TRMT44: variants seen among roughly 807,000 people sequenced by gnomAD.
TRMT44 encodes the protein tRNA methyltransferase 44 homolog.
In TRMT44, 78 loss-of-function variants were observed where a neutral mutation model predicts 77.3. The ratio of observed to expected loss-of-function variants is 1.01; its 90% CI spans 0.84 to 1.22. The LOEUF (loss-of-function observed/expected upper bound fraction) is 1.22, where lower values mean the gene tolerates loss of function less well. Ranked by LOEUF, TRMT44 falls within the 50% of genes most tolerant of loss-of-function variation. The pLI, the probability that TRMT44 is intolerant of heterozygous loss-of-function variation, is 0.00. For missense variants in TRMT44, 1,090 were observed against 964.4 expected (o/e 1.13, Z -1.73); for synonymous variants, 391 against 383.3 (o/e 1.02, Z -0.23).
the TRMT44 span, among the ~76,000 whole-genome samples, chr4:8,513,423 C>T: frequency 4.6e-5 from 7 of 152,172 alleles, no homozygotes; most frequent in South Asian, 2.1e-4. Context: ...GATCCTCCCA[C>T]GACATATGGG....
chr4:8,471,409 C>A (rs73223242), intron 10 of TRMT44, among the ~76,000 whole-genome samples: 3,367 of 152,284 alleles, frequency 0.022, 64 homozygotes, highest in African/African-American at 0.052. Flanking sequence ...CTCCTCTGGA[C>A]CTCGTCCCAT....
the TRMT44 span, among the ~76,000 whole-genome samples, chr4:8,501,753 G>C: frequency 2.2e-3 from 338 of 152,160 alleles, 2 homozygotes; most frequent in African/African-American, 7.7e-3. This position sits in a 1 kb window ranked among gnomAD's most constrained non-coding sequence, Gnocchi z 4.4. Context: ...TGCTCAGTTG[G>C]GGCCCTCAGT....
At chr4:8,459,642 G>A (rs1294147727) in intron 6 of TRMT44, among the ~76,000 whole-genome samples, 1 of 152,108 alleles carries the variant, frequency 6.6e-6, no homozygotes, top group Non-Finnish European at 1.5e-5. Flanking sequence ...AATGCTTTTC[G>A]AAAAGGTCCT....
rs973662277 is a variant in TRMT44, at chr4:8,444,702, T to C, written c.620-1774T>C. Among the ~76,000 whole-genome samples the C allele has an allele frequency of 1.3e-4, 20 of 152,240 alleles. No individual in the cohort carries two copies. Among genetic ancestry groups the C allele is most frequent in the African/African-American group, 4.6e-4 (19 of 41,460 alleles). ...CGTGAGCCACCTCTCCCGGCCACTA[T>C]TGTACATTTTTAAATAACGAAAAGA... On this transcript the variant is annotated intron_variant, in intron 1 of 10. Coordinates refer to ENST00000389737, the MANE Select transcript of TRMT44 (RefSeq NM_152544.3). The surrounding 1 kb of genome is among the most constrained non-coding windows in gnomAD (Gnocchi z 4.0).
At chr4:8,441,796 G>T (rs537760306) in intron 1 of TRMT44, among the ~76,000 whole-genome samples, 1 of 152,196 alleles carries the variant, frequency 6.6e-6, no homozygotes, top group Non-Finnish European at 1.5e-5. Flanking sequence ...GGAATGAGAC[G>T]AGACAGGTTA....
At chr4:8,443,508 A>T (rs972750866) in intron 1 of TRMT44, among the ~76,000 whole-genome samples, 2 of 152,244 alleles carry the variant, frequency 1.3e-5, no homozygotes, top group African/African-American at 4.8e-5. Context: ...GGCAGGTTAT[A>T]GAGCCTCTCT....
At chr4:8,503,980 T>A in the TRMT44 span, among the ~76,000 whole-genome samples, 8 of 152,190 alleles carry the variant, frequency 5.3e-5, no homozygotes, top group South Asian at 1.7e-3. Context: ...GGACAGAGCG[T>A]CTCCCCCGAG....
the TRMT44 span, among the ~76,000 whole-genome samples, chr4:8,513,133 G>A: frequency 7.2e-5 from 11 of 152,200 alleles, no homozygotes; most frequent in East Asian, 3.9e-4. Context: ...GGCTGGTCTC[G>A]AACTCCTGAC....
chr4:8,488,885 T>C (rs139575615), intron 2 of TRMT44, among the ~76,000 whole-genome samples: 13 of 152,128 alleles, frequency 8.5e-5, no homozygotes. Context: ...AAGGGAGTGG[T>C]ATTTGGAGGG....
rs746070548 is a variant in TRMT44 at position 8,461,334 on chromosome 4, A to G, written c.1204-2651A>G. Among the ~76,000 whole-genome samples the G allele has an allele frequency of 6.9e-4, 105 of 152,322 alleles. No individual in the cohort carries two copies. Among genetic ancestry groups the G allele is most frequent in the Non-Finnish European group, 1.2e-3 (79 of 68,020 alleles). On this transcript the variant is annotated intron_variant, in intron 6 of 10. Transcript: ENST00000389737. The surrounding 1 kb of genome is among the most constrained non-coding windows in gnomAD (Gnocchi z 4.6). ...GTGTGTAGACTATAGACTCTCACAC[A>G]TGTCCCAGAATCGGGCTCTAAACTT...
chr4:8,496,051 A>C (rs1323897459), downstream of TRMT44, among the ~76,000 whole-genome samples: 1 of 152,230 alleles, frequency 6.6e-6, no homozygotes. Flanking sequence ...AGACTGAAGC[A>C]GTGGGAAACC....
At chr4:8,471,720 C>T (rs565831551) in intron 10 of TRMT44, among the ~76,000 whole-genome samples, 2 of 152,362 alleles carry the variant, frequency 1.3e-5, no homozygotes, top group African/African-American at 4.8e-5. Flanking sequence ...TGCTCCCCAA[C>T]GCCCTGTGAC....
chr4:8,502,655 TGGG>T, the TRMT44 span, among the ~76,000 whole-genome samples: 1 of 102,134 alleles, frequency 9.8e-6, no homozygotes, highest in Non-Finnish European at 1.9e-5. Flanking sequence ...TTTGGCAAAG[TGGG>T]GTTGATTTTT....
At chr4:8,478,140 C>G (rs908707761), downstream of TRMT44, 3 of 152,928 alleles carry the variant, frequency 2.0e-5, no homozygotes, top group African/African-American at 7.2e-5. Context: ...GCCACAGAGC[C>G]TGGTTCTGCG....
At chr4:8,453,014 T>C (rs1725556103) in intron 5 of TRMT44, 25 bp downstream of exon 5, 2 of 1,392,898 alleles carry the variant, frequency 1.4e-6, no homozygotes, top group Non-Finnish European at 1.9e-6. Flanking sequence ...CATCACCTTT[T>C]CTGGTAACTT....
the TRMT44 span, among the ~76,000 whole-genome samples, chr4:8,513,428 T>C: frequency 1.3e-5 from 2 of 152,126 alleles, no homozygotes; most frequent in Admixed American, 6.5e-5. Context: ...TCCCACGACA[T>C]ATGGGAAATG....
chr4:8,504,881 A>T, the TRMT44 span, among the ~76,000 whole-genome samples: 1 of 152,080 alleles, frequency 6.6e-6, no homozygotes, highest in Non-Finnish European at 1.5e-5. This position sits in a 1 kb window ranked among gnomAD's most constrained non-coding sequence, Gnocchi z 5.3. Flanking sequence ...CTGGATTCTA[A>T]ATAGGCCCCC....
chr4:8,449,942 TTCTTTTC>T, intron 3 of TRMT44, 54 bp downstream of exon 3: 3 of 717,066 alleles, frequency 4.2e-6, no homozygotes, highest in Non-Finnish European at 5.7e-6. Context: ...TTCTTTTCTT[TTCTTTTC>T]TTTTTTTTTT....
the TRMT44 span, among the ~76,000 whole-genome samples, chr4:8,505,712 G>A: frequency 1.3e-5 from 2 of 152,368 alleles, no homozygotes; most frequent in East Asian, 3.9e-4. Context: ...ATATGGTTGG[G>A]CTCTGTGTCC....
Sources: gnomAD v4.1 joint callset for allele counts (sites outside exome capture counted in the v4.1 genomes callset) on GRCh38, gnomAD v4.1.1 for gene constraint, Gnocchi (gnomAD v3.1) non-coding constraint, MANE v1.5 for transcripts, NCBI Gene and HGNC (gene_info 2026-07-23, HGNC 2026-07-21) for gene names.